The following CRADD variants were observed in gnomAD, a reference collection of about 807,000 sequenced individuals.
CRADD encodes the protein CARD and death domain containing adaptor protein.
A neutral mutation model predicts 15.5 loss-of-function variants in CRADD; 9 were observed. That is an observed-to-expected ratio of 0.58 (90% confidence interval 0.35 to 1.01). The LOEUF is 1.01. Ranked by LOEUF, CRADD falls within the 50% of genes least tolerant of loss-of-function variation. The pLI, the probability that CRADD is intolerant of heterozygous loss-of-function variation, is 0.02. For synonymous variants in CRADD, 118 were observed against 107.6 expected, an observed-to-expected ratio of 1.10 and a Z score of -0.60; for missense variants, 227 against 250.3, an observed-to-expected ratio of 0.91 and a Z score of 0.63.
intron 2 of CRADD, among the ~76,000 whole-genome samples, chr12:93,739,623 C>T (rs1441362491): frequency 2.6e-5 from 4 of 151,980 alleles, no homozygotes; most frequent in African/African-American, 9.7e-5. Flanking sequence ...GACAATGTCA[C>T]TGGATTTCAA....
Position 93,844,885 on chromosome 12 carries a change from C to T in CRADD, c.299-5085C>T, listed in dbSNP as rs994613141. 4.6e-5 allele frequency among the ~76,000 whole-genome samples: 7 copies of T among 152,224 alleles called. No homozygotes were observed. In the South Asian group the frequency reaches 1.0e-3, roughly 23 times the overall value. On this transcript the variant is annotated intron_variant, in intron 2 of 2. Transcript: ENST00000332896. ...CAGAAGCAGTACTGGAAAAGGAAGGCGAGAGGACCAGTTCCTGAGGGTTCC... is the reference window on the plus strand; with the variant it reads ...CAGAAGCAGTACTGGAAAAGGAAGGTGAGAGGACCAGTTCCTGAGGGTTCC...
downstream of CRADD, among the ~76,000 whole-genome samples, chr12:93,855,484 A>G (rs1357457667): frequency 4.6e-5 from 7 of 152,376 alleles, no homozygotes; most frequent in East Asian, 5.8e-4. Flanking sequence ...TGAGACAGAC[A>G]TGAAGCTCTA....
chr12:93,791,439 T>G (rs1957348215), intron 2 of CRADD, among the ~76,000 whole-genome samples: 1 of 152,144 alleles, frequency 6.6e-6, no homozygotes, highest in East Asian at 1.9e-4. Flanking sequence ...GGACAAATAC[T>G]GTGTGATTTC....
chr12:93,834,970 A>G (rs1957957762), intron 2 of CRADD, among the ~76,000 whole-genome samples: 1 of 152,212 alleles, frequency 6.6e-6, no homozygotes, highest in African/African-American at 2.4e-5. Context: ...TGAAAAACAG[A>G]CAGACTTTTA....
At chr12:93,826,378 C>T (rs1019241318) in intron 2 of CRADD, among the ~76,000 whole-genome samples, 2 of 152,152 alleles carry the variant, frequency 1.3e-5, no homozygotes, top group African/African-American at 4.8e-5. Flanking sequence ...GGAGAAGCAG[C>T]CAAGACTAGA....
intron 2 of CRADD, among the ~76,000 whole-genome samples, chr12:93,703,309 GTCTCCCTTGGT>G (rs779087007): frequency 2.6e-5 from 4 of 151,730 alleles, no homozygotes; most frequent in Non-Finnish European, 5.9e-5. Context: ...AATTTTGGCA[GTCTCCCTTGGT>G]TCTGTGTTCT....
At chr12:93,892,022 ACCCTG>A (rs1340864298) in intron 2 of CRADD, among the ~76,000 whole-genome samples, 1 of 152,148 alleles carries the variant, frequency 6.6e-6, no homozygotes, top group Admixed American at 6.5e-5. Flanking sequence ...GTCCCAACAA[ACCCTG>A]TGAGATAGAC....
chr12:93,878,522 C>A (rs539348109), intron 2 of CRADD, among the ~76,000 whole-genome samples: 1 of 152,296 alleles, frequency 6.6e-6, no homozygotes, highest in East Asian at 1.9e-4. Context: ...TGCCCCACCC[C>A]CAGTCCACTC....
chr12:93,812,109 T>C (rs551021522), intron 2 of CRADD, among the ~76,000 whole-genome samples: 40 of 152,124 alleles, frequency 2.6e-4, no homozygotes, highest in Non-Finnish European at 4.7e-4. Flanking sequence ...TGCCAGGCCT[T>C]CGGGGAAGGG....
intron 2 of CRADD, among the ~76,000 whole-genome samples, chr12:93,805,315 A>G (rs1957524711): frequency 6.6e-6 from 1 of 151,992 alleles, no homozygotes; most frequent in Non-Finnish European, 1.5e-5. Flanking sequence ...ACTCTAAAGT[A>G]AGAATAAATG....
At chr12:93,873,417 T>A (rs914658330) in intron 2 of CRADD, among the ~76,000 whole-genome samples, 2 of 152,116 alleles carry the variant, frequency 1.3e-5, no homozygotes, top group Non-Finnish European at 2.9e-5. Context: ...CTTGTCTTAT[T>A]GCTGTAGCTA....
intron 2 of CRADD, among the ~76,000 whole-genome samples, chr12:93,879,451 T>C (rs1235688325): frequency 6.6e-6 from 1 of 152,192 alleles, no homozygotes; most frequent in African/African-American, 2.4e-5. Flanking sequence ...TTGATCTGCA[T>C]TGGTAACTGG....
intron 2 of CRADD, among the ~76,000 whole-genome samples, chr12:93,818,914 G>A (rs2137016421): frequency 6.6e-6 from 1 of 152,346 alleles, no homozygotes; most frequent in East Asian, 1.9e-4. Flanking sequence ...GTGCAACCAG[G>A]TAAGGTGCCT....
intron 2 of CRADD, among the ~76,000 whole-genome samples, chr12:93,748,030 T>C (rs1156294596): frequency 6.6e-6 from 1 of 152,196 alleles, no homozygotes; most frequent in Non-Finnish European, 1.5e-5. Flanking sequence ...TGTAATATTA[T>C]ATATCATATG....
At chr12:93,711,146 A>ATC (rs1956066119) in intron 2 of CRADD, among the ~76,000 whole-genome samples, 1 of 151,184 alleles carries the variant, frequency 6.6e-6, no homozygotes, top group African/African-American at 2.4e-5. Flanking sequence ...CAAAAGCCAA[A>ATC]GGAATCTGAA....
chr12:93,773,277 C>T (rs1371254361), intron 2 of CRADD, among the ~76,000 whole-genome samples: 1 of 152,140 alleles, frequency 6.6e-6, no homozygotes, highest in Non-Finnish European at 1.5e-5. Context: ...TGAATTCCCA[C>T]ATGTTGTGGG....
chr12:93,817,710 G>A (rs1253129136), intron 2 of CRADD, among the ~76,000 whole-genome samples: 1 of 151,868 alleles, frequency 6.6e-6, no homozygotes, highest in Non-Finnish European at 1.5e-5. Context: ...ACTCTCGGTG[G>A]CCCTTAGATT....
intron 2 of CRADD, chr12:93,738,188 CATTTT>C: frequency 1.6e-6 from 1 of 607,626 alleles, no homozygotes; most frequent in African/African-American, 1.9e-5. Context: ...CAGCGCTGCT[CATTTT>C]TTGCAGGGTT....
At chr12:93,723,460 A>G (rs1242270493) in intron 2 of CRADD, among the ~76,000 whole-genome samples, 1 of 152,186 alleles carries the variant, frequency 6.6e-6, no homozygotes, top group Non-Finnish European at 1.5e-5. Context: ...GAACTGACTC[A>G]GTACAAGAAG....
Sources: gnomAD v4.1 joint callset for allele counts (sites outside exome capture counted in the v4.1 genomes callset) on GRCh38, gnomAD v4.1.1 for gene constraint, MANE v1.5 for transcripts, NCBI Gene and HGNC (gene_info 2026-07-23, HGNC 2026-07-21) for gene names.